DIAPH3: variants seen among roughly 807,000 people sequenced by gnomAD.
DIAPH3 encodes the protein protein diaphanous homolog 3.
In DIAPH3, 117 loss-of-function variants were observed where a neutral mutation model predicts 144.3. That is an observed-to-expected ratio of 0.81 (90% confidence interval 0.70 to 0.95). DIAPH3 has a LOEUF of 0.95. Ranked by LOEUF, DIAPH3 falls within the 40% of genes least tolerant of loss-of-function variation. The pLI is 0.00. For missense variants in DIAPH3, 1,421 were observed against 1,412.7 expected (o/e 1.01, Z -0.09); for synonymous variants, 519 against 488.9 (o/e 1.06, Z -0.81).
In DIAPH3 at chr13:59,974,399, C is replaced by T. The variant is rs1566596416; in HGVS notation, c.1603G>A (p.Ala535Thr). ...TCTGCTTGAAGCTCATTAATCTTTGCCTCTTTTTTCTGCAATTCAGCCTGA... is the reference window on the plus strand; with the variant it reads ...TCTGCTTGAAGCTCATTAATCTTTGTCTCTTTTTTCTGCAATTCAGCCTGA... The part of the protein sequence containing the change: ...ETQAELQKKE[A>T]KINELQAELQ... The change falls in exon 15 of 28, where the codon GCA becomes ACA. Residue 535 changes from alanine to threonine, a missense_variant. Coordinates refer to ENST00000400324, the MANE Select transcript of DIAPH3 (RefSeq NM_001042517.2). 1 of 1,611,630 alleles carries T rather than the reference C, an allele frequency of 6.2e-7. No individual in the cohort carries two copies. The highest frequency in any genetic ancestry group is 1.1e-5 in the South Asian group (1 of 91,008).
At chr13:59,976,246 AATTCCAATTC>A (rs1261182029) in intron 14 of DIAPH3, among the ~76,000 whole-genome samples, 3 of 151,942 alleles carry the variant, frequency 2.0e-5, no homozygotes, top group Admixed American at 1.3e-4. Context: ...TGACTTACCA[AATTCCAATTC>A]CAGAAGTCCA....
chr13:59,983,843 A>G lies in DIAPH3; in HGVS notation c.1406T>C (p.Val469Ala). Residue 469 changes from valine to alanine, a missense_variant, in exon 13 of 28, where the codon GTA becomes GCA. Coordinates refer to ENST00000400324, the MANE Select transcript of DIAPH3 (RefSeq NM_001042517.2). ...KLIDECVSQIVLHRDGMDPDF... is the reference protein window; with the variant it reads ...KLIDECVSQIALHRDGMDPDF... ...TGGATCCATTCCATCTCTATGCAAT[A>G]CAATCTGGGATACACACTCATCAAT... 1 of 1,610,120 alleles carries G rather than the reference A, an allele frequency of 6.2e-7. No individual in the cohort carries two copies. Among genetic ancestry groups the G allele is most frequent in the Non-Finnish European group, 8.5e-7 (1 of 1,177,288 alleles).
At position 59,947,353 on chromosome 13, in the gene DIAPH3, C is replaced by T. The variant is rs1018853251; in HGVS notation, c.2075-22483G>A. On this transcript the variant is annotated intron_variant, in intron 17 of 27. Coordinates refer to ENST00000400324, the MANE Select transcript of DIAPH3 (RefSeq NM_001042517.2). The stretch of plus-strand genomic sequence containing the variant: ...TATCACAAACAGCAATCTCCTCTAA[C>T]TTTAACTCTGCATGGTCCACCGCCT... Among the ~76,000 whole-genome samples, 9 of 152,158 alleles carry T rather than the reference C, an allele frequency of 5.9e-5. No individual in the cohort carries two copies. In the South Asian group the frequency reaches 8.3e-4, roughly 14 times the overall value.
chr13:60,104,559 T>C (rs2058355264), intron 3 of DIAPH3, among the ~76,000 whole-genome samples: 2 of 99,886 alleles, frequency 2.0e-5, no homozygotes, highest in Admixed American at 1.2e-4. Flanking sequence ...CCTAATGCAG[T>C]ATCAAGGCAC....
intron 27 of DIAPH3, among the ~76,000 whole-genome samples, chr13:59,690,740 G>A (rs2033470445): frequency 6.6e-6 from 1 of 152,140 alleles, no homozygotes. Context: ...CATTTCATGT[G>A]ATTGGTTGCT....
intron 22 of DIAPH3, among the ~76,000 whole-genome samples, chr13:59,860,239 C>T (rs1285429991): frequency 6.6e-6 from 1 of 151,560 alleles, no homozygotes; most frequent in African/African-American, 2.4e-5. Context: ...ATATGGAAAA[C>T]AATAAAATAT....
At chr13:59,860,866 G>C (rs1162998462) in intron 22 of DIAPH3, among the ~76,000 whole-genome samples, 1 of 152,156 alleles carries the variant, frequency 6.6e-6, no homozygotes, top group Non-Finnish European at 1.5e-5. Context: ...TTTATGACCT[G>C]ATCTAAGCCC....
chr13:60,082,292 T>A (rs1292938650), intron 4 of DIAPH3, among the ~76,000 whole-genome samples: 1 of 150,308 alleles, frequency 6.7e-6, no homozygotes, highest in Non-Finnish European at 1.5e-5. Flanking sequence ...TAAAAAGCAT[T>A]TGGGAGAAGA....
Position 59,953,299 on chromosome 13 carries a change from G to A in DIAPH3, c.2074+16645C>T, listed in dbSNP as rs75770116. Reference sequence around the variant, plus strand: ...TATGGTAGAAGTGAAAGAATTGAAAGAGAGGTAATAGGAAATGAAGTTGGC... The same window carrying A: ...TATGGTAGAAGTGAAAGAATTGAAAAAGAGGTAATAGGAAATGAAGTTGGC... On this transcript the variant is annotated intron_variant, in intron 17 of 27. Coordinates refer to ENST00000400324, the MANE Select transcript of DIAPH3 (RefSeq NM_001042517.2). 3.6e-3 allele frequency among the ~76,000 whole-genome samples: 542 copies of A among 152,276 alleles called. 25 individuals are homozygous for A. The East Asian group carries it at 0.097, about 27-fold the overall frequency.
At chr13:60,115,776 G>T (rs1046654365) in intron 2 of DIAPH3, among the ~76,000 whole-genome samples, 2 of 150,652 alleles carry the variant, frequency 1.3e-5, no homozygotes, top group Admixed American at 1.3e-4. Context: ...TTCTTTTTTC[G>T]AGATTTCTAA....
At chr13:60,159,431 G>C (rs1952182444) in intron 1 of DIAPH3, among the ~76,000 whole-genome samples, 2 of 151,770 alleles carry the variant, frequency 1.3e-5, no homozygotes, top group South Asian at 4.2e-4. Context: ...TTCAAGACCT[G>C]CCTGGCCAAC....
At chr13:60,079,341 A>G (rs2057471812) in intron 4 of DIAPH3, among the ~76,000 whole-genome samples, 1 of 152,006 alleles carries the variant, frequency 6.6e-6, no homozygotes, top group Non-Finnish European at 1.5e-5. Context: ...CCATAAATTG[A>G]ATTCTGTGAA....
chr13:59,667,841 G>C (rs1446494022), intron 27 of DIAPH3, among the ~76,000 whole-genome samples: 3 of 152,190 alleles, frequency 2.0e-5, no homozygotes, highest in Non-Finnish European at 4.4e-5. Flanking sequence ...TGTCCCAATA[G>C]TAATGACTTT....
At chr13:59,832,948 A>T in intron 24 of DIAPH3, 159 bp downstream of exon 24, 1 of 678,834 alleles carries the variant, frequency 1.5e-6, no homozygotes. Context: ...AGAACAAACC[A>T]TACATTTTTC....
chr13:59,695,520 A>G (rs2033754381), intron 27 of DIAPH3: 1 of 152,232 alleles, frequency 6.6e-6, no homozygotes, highest in South Asian at 2.1e-4. Context: ...AAAAGTCACT[A>G]GACAAATATT....
chr13:59,918,502 A>G (rs2047346625), intron 18 of DIAPH3, among the ~76,000 whole-genome samples: 2 of 152,172 alleles, frequency 1.3e-5, no homozygotes, highest in South Asian at 4.1e-4. Flanking sequence ...AACAGAAGCC[A>G]TGGGCTTCAG....
chr13:60,009,564 T>A (rs1242199893), intron 8 of DIAPH3, among the ~76,000 whole-genome samples: 1 of 152,194 alleles, frequency 6.6e-6, no homozygotes, highest in Non-Finnish European at 1.5e-5. Context: ...ACACCAACAT[T>A]TATATGGCCT....
chr13:60,050,337 A>G (rs901695609), intron 4 of DIAPH3, among the ~76,000 whole-genome samples: 23 of 152,364 alleles, frequency 1.5e-4, no homozygotes, highest in African/African-American at 4.6e-4. Flanking sequence ...TGAACTTGGC[A>G]TATTTAGAGG....
Position 59,836,118 on chromosome 13 carries a change from T to C in DIAPH3, c.2863-2847A>G, listed in dbSNP as rs181111924. Among the ~76,000 whole-genome samples, 81 of 151,916 alleles carry C rather than the reference T, an allele frequency of 5.3e-4. 1 individual carries two copies. The highest frequency in any genetic ancestry group is 3.4e-3 in the Middle Eastern group (1 of 294). On this transcript the variant is annotated intron_variant, in intron 23 of 27. Transcript: ENST00000400324. The stretch of plus-strand genomic sequence containing the variant: ...AGCAAAATAAGTTTTTCTGAAAGAC[T>C]CAGGAGAGGGAGTAGGAAGAAAATA...
Sources: allele counts gnomAD v4.1 joint callset (sites outside exome capture counted in the v4.1 genomes callset), GRCh38; gene constraint gnomAD v4.1.1; transcripts MANE v1.5; gene names NCBI Gene and HGNC (gene_info 2026-07-23, HGNC 2026-07-21).